The following THSD7B variants were observed in gnomAD, a reference collection of about 807,000 sequenced individuals.
The protein encoded by THSD7B is thrombospondin type 1 domain containing 7B.
THSD7B carries 138 observed loss-of-function variants against 213.6 expected under a neutral mutation model. The ratio of observed to expected loss-of-function variants is 0.65; its 90% CI spans 0.56 to 0.74. The LOEUF is 0.74. THSD7B is among the 30% of genes least tolerant of loss of function. The pLI, the probability that THSD7B is intolerant of heterozygous loss-of-function variation, is 0.00. For synonymous variants in THSD7B, 742 were observed against 687.0 expected, an observed-to-expected ratio of 1.08 and a Z score of -1.25; for missense variants, 1,931 against 1,991.5, an observed-to-expected ratio of 0.97 and a Z score of 0.58.
At chr2:137,441,059 C>G (rs1046422812) in intron 14 of THSD7B, among the ~76,000 whole-genome samples, 4 of 152,050 alleles carry the variant, frequency 2.6e-5, no homozygotes, top group Non-Finnish European at 5.9e-5. Context: ...AGTATATTAG[C>G]CATGTGTACA....
At chr2:137,242,102 TA>T (rs1375202058) in intron 9 of THSD7B, among the ~76,000 whole-genome samples, 1 of 152,204 alleles carries the variant, frequency 6.6e-6, no homozygotes, top group Non-Finnish European at 1.5e-5. Context: ...TCACCCTGAA[TA>T]AAACATTTAA....
intron 15 of THSD7B, among the ~76,000 whole-genome samples, chr2:137,541,855 C>CAA (rs71677331): frequency 2.7e-5 from 4 of 149,392 alleles, no homozygotes; most frequent in South Asian, 2.1e-4. Flanking sequence ...TTTGGGCAGA[C>CAA]AAAAAAAAAT....
intron 1 of THSD7B, among the ~76,000 whole-genome samples, chr2:136,788,212 G>T (rs571849573): frequency 6.6e-5 from 10 of 152,168 alleles, no homozygotes; most frequent in African/African-American, 2.2e-4. Context: ...TAAAGTGCCC[G>T]CTGGGAGAGA....
intron 15 of THSD7B, among the ~76,000 whole-genome samples, chr2:137,459,477 C>A (rs1687840042): frequency 6.6e-6 from 1 of 151,966 alleles, no homozygotes; most frequent in Admixed American, 6.6e-5. Context: ...ACCAGCCTGG[C>A]CAACATGGTG....
chr2:137,169,183 A>T (rs1680193083), intron 6 of THSD7B, among the ~76,000 whole-genome samples: 2 of 148,166 alleles, frequency 1.3e-5, no homozygotes. Context: ...AAAAAAAAAA[A>T]CTCAAAGCAC....
chr2:137,042,720 C>T (rs1370659376), intron 2 of THSD7B, among the ~76,000 whole-genome samples: 3 of 152,186 alleles, frequency 2.0e-5, no homozygotes, highest in Non-Finnish European at 4.4e-5. Flanking sequence ...GCATAGTACT[C>T]GCTTGTCCCC....
chr2:137,258,498 C>T (rs1682360616), intron 10 of THSD7B, among the ~76,000 whole-genome samples: 1 of 151,988 alleles, frequency 6.6e-6, no homozygotes, highest in African/African-American at 2.4e-5. Context: ...CCATATATTA[C>T]ATTAGATGAC....
At chr2:137,132,731 G>A (rs894856209) in intron 5 of THSD7B, among the ~76,000 whole-genome samples, 1 of 152,176 alleles carries the variant, frequency 6.6e-6, no homozygotes, top group African/African-American at 2.4e-5. Flanking sequence ...TCCTCTTGAA[G>A]AGTTCTAGAG....
chr2:137,045,389 G>C (rs1212461919), intron 2 of THSD7B, among the ~76,000 whole-genome samples: 1 of 152,170 alleles, frequency 6.6e-6, no homozygotes, highest in Non-Finnish European at 1.5e-5. Flanking sequence ...TAAGTGACTA[G>C]TGGAGAGGCA....
In THSD7B at chr2:137,275,938, A is replaced by G; in HGVS notation, c.2412A>G (p.Lys804=). The change falls in exon 12 of 28, where the codon AAA becomes AAG. Residue 804 remains lysine, a synonymous_variant. Transcript: ENST00000409968. ...LCPVYRWKPQ[K]WSPCILVPES... ...GTAATCACAGGTGGAAGCCACAGAA[A>G]TGGAGCCCTTGCATCTTAGTGCCAG... The G allele has an allele frequency of 6.2e-7, 1 of 1,611,808 alleles. No individual in the cohort carries two copies. Among genetic ancestry groups the G allele is most frequent in the Non-Finnish European group, 8.5e-7 (1 of 1,178,716 alleles).
chr2:137,105,579 TGAAGGTATTCAAATAG>T (rs1421130340), intron 4 of THSD7B, among the ~76,000 whole-genome samples: 2 of 152,228 alleles, frequency 1.3e-5, no homozygotes, highest in East Asian at 3.9e-4. Flanking sequence ...GAGAAAGGAA[TGAAGGTATTCAAATAG>T]GAAGAGAGGA....
chr2:137,326,766 A>G (rs1004229183), intron 12 of THSD7B, among the ~76,000 whole-genome samples: 1 of 152,212 alleles, frequency 6.6e-6, no homozygotes, highest in Non-Finnish European at 1.5e-5. Context: ...TACAGTTGAC[A>G]AAACTGGATG....
chr2:137,246,743 A>G (rs938183938), intron 10 of THSD7B, among the ~76,000 whole-genome samples: 6 of 151,570 alleles, frequency 4.0e-5, no homozygotes, highest in Non-Finnish European at 5.9e-5. Context: ...TCACCAAATT[A>G]TCACGAACCA....
chr2:137,618,313 C>T, intron 18 of THSD7B, 79 bp from the exon 19 acceptor site: 1 of 1,105,230 alleles, frequency 9.0e-7, no homozygotes, highest in Non-Finnish European at 1.3e-6. Context: ...TCCACCAAAG[C>T]AGATAATCAA....
At chr2:137,454,889 C>T (rs1687733002) in intron 15 of THSD7B, among the ~76,000 whole-genome samples, 1 of 151,936 alleles carries the variant, frequency 6.6e-6, no homozygotes, top group East Asian at 1.9e-4. Context: ...CATTTTTACC[C>T]ATAAGTAAGA....
chr2:136,950,731 G>T lies in THSD7B; in HGVS notation c.139+68414G>T, dbSNP rs1685023177. 3.3e-5 allele frequency among the ~76,000 whole-genome samples: 5 copies of T among 152,132 alleles called. No homozygotes were observed. The South Asian group carries it at 1.0e-3, about 32-fold the overall frequency. ...TTGCTAGGATAAAGTAGATGGAGAA[G>T]AGGAAATCTAAGCACAGATGGTGGT... On this transcript the variant is annotated intron_variant, in intron 2 of 27. Transcript: ENST00000409968.
At chr2:136,966,459 T>C (rs1573738851) in intron 2 of THSD7B, among the ~76,000 whole-genome samples, 1 of 152,172 alleles carries the variant, frequency 6.6e-6, no homozygotes, top group Non-Finnish European at 1.5e-5. Flanking sequence ...TCAAGTGATA[T>C]GCCCAGCTCA....
intron 16 of THSD7B, 134 bp from the exon 17 acceptor site, chr2:137,572,272 T>C (rs1362789819): frequency 1.9e-6 from 2 of 1,076,508 alleles, no homozygotes; most frequent in African/African-American, 3.2e-5. Context: ...GAGGAAAGTT[T>C]TGTTCCCCTT....
intron 5 of THSD7B, among the ~76,000 whole-genome samples, chr2:137,116,429 A>G (rs1259895824): frequency 6.6e-6 from 1 of 152,186 alleles, no homozygotes; most frequent in African/African-American, 2.4e-5. Context: ...ATTTAGATTA[A>G]AAGGCTCCAG....
Sources: gnomAD v4.1 joint callset for allele counts (sites outside exome capture counted in the v4.1 genomes callset) on GRCh38, gnomAD v4.1.1 for gene constraint, MANE v1.5 for transcripts, NCBI Gene and HGNC (gene_info 2026-07-23, HGNC 2026-07-21) for gene names.